Variants in FAR2 observed in about 807,000 individuals in gnomAD.
The protein encoded by FAR2 is epididymis secretory protein Li 81.
A neutral mutation model predicts 56.0 loss-of-function variants in FAR2; 19 were observed. The observed-to-expected ratio is 0.34, with a 90% CI of 0.24 to 0.50. The LOEUF (loss-of-function observed/expected upper bound fraction) is 0.50. Among genes scored for constraint, FAR2 ranks in the 20% least tolerant of loss-of-function variants. FAR2 has a pLI of 0.98. For synonymous variants in FAR2, 219 were observed against 218.8 expected, an observed-to-expected ratio of 1.00 and a Z score of -0.01; for missense variants, 508 against 642.2, an observed-to-expected ratio of 0.79 and a Z score of 2.26.
chr12:29,206,781 G>GGA (rs1198626679), intron 1 of FAR2, among the ~76,000 whole-genome samples: 1 of 152,174 alleles, frequency 6.6e-6, no homozygotes, highest in African/African-American at 2.4e-5. Context: ...TGGGCTTGGT[G>GGA]GAGAGAGACA....
chr12:29,222,303 C>A (rs1210790211), intron 1 of FAR2, among the ~76,000 whole-genome samples: 1 of 152,180 alleles, frequency 6.6e-6, no homozygotes, highest in Non-Finnish European at 1.5e-5. Context: ...AGTGATATTT[C>A]ATTGTTTTGA....
chr12:29,205,576 C>T (rs1947469745), intron 1 of FAR2, among the ~76,000 whole-genome samples: 1 of 152,140 alleles, frequency 6.6e-6, no homozygotes, highest in African/African-American at 2.4e-5. Context: ...CCAGAGGCTA[C>T]AGAACAGGTT....
chr12:29,320,046 A>T (rs1949526235), intron 9 of FAR2, among the ~76,000 whole-genome samples: 1 of 152,136 alleles, frequency 6.6e-6, no homozygotes, highest in Admixed American at 6.5e-5. Flanking sequence ...TACAAAAATA[A>T]AATTTAAAAA....
At chr12:29,265,921 A>G (rs1488192742) in intron 1 of FAR2, among the ~76,000 whole-genome samples, 1 of 152,188 alleles carries the variant, frequency 6.6e-6, no homozygotes, top group Non-Finnish European at 1.5e-5. Context: ...AAGGTGCTCA[A>G]CATCACTGAT....
At chr12:29,316,154 A>C (rs1478112483) in intron 8 of FAR2, among the ~76,000 whole-genome samples, 1 of 152,192 alleles carries the variant, frequency 6.6e-6, no homozygotes, top group African/African-American at 2.4e-5. Context: ...ATGCTTTGAA[A>C]AAAAACCTAC....
intron 1 of FAR2, among the ~76,000 whole-genome samples, chr12:29,162,881 A>T (rs1280278694): frequency 2.0e-5 from 3 of 152,260 alleles, no homozygotes; most frequent in African/African-American, 7.2e-5. Flanking sequence ...TGACGCATTC[A>T]TTCAACGAGT....
chr12:29,183,470 C>A (rs1950010974), intron 1 of FAR2, among the ~76,000 whole-genome samples: 1 of 152,178 alleles, frequency 6.6e-6, no homozygotes, highest in Admixed American at 6.5e-5. Flanking sequence ...ATCTTCCTTC[C>A]AAACTAGGTT....
At chr12:29,207,479 G>T (rs552431178) in intron 1 of FAR2, among the ~76,000 whole-genome samples, 45 of 152,182 alleles carry the variant, frequency 3.0e-4, no homozygotes, top group African/African-American at 1.1e-3. Flanking sequence ...GGCCACCCTG[G>T]GTTCTCATCC....
rs539616767 is a variant in FAR2, at chr12:29,268,633, G to A, written c.-38-1779G>A. 4.6e-5 allele frequency among the ~76,000 whole-genome samples: 7 copies of A among 152,206 alleles called. No homozygotes were observed. The East Asian group carries it at 1.2e-3, about 25-fold the overall frequency. On this transcript the variant is annotated intron_variant, in intron 1 of 11. Transcript: ENST00000536681. ...TCTACCCCCTGAGCAGCATATAAGG[G>A]GGAAAAAGGTGGCACTTGACCTAGA... is the stretch of plus-strand genomic sequence containing the variant.
At chr12:29,316,005 A>G (rs1949443558) in intron 8 of FAR2, among the ~76,000 whole-genome samples, 1 of 152,156 alleles carries the variant, frequency 6.6e-6, no homozygotes, top group African/African-American at 2.4e-5. Context: ...ATGCCTATGA[A>G]CCAGGTGATT....
chr12:29,265,200 A>G (rs1315922265), intron 1 of FAR2, among the ~76,000 whole-genome samples: 1 of 152,206 alleles, frequency 6.6e-6, no homozygotes, highest in Non-Finnish European at 1.5e-5. Context: ...TGGAACCACA[A>G]AAGACCCAGA....
chr12:29,332,681 A>G lies in FAR2; in HGVS notation c.1339A>G (p.Lys447Glu). The G allele has an allele frequency of 6.2e-7, 1 of 1,613,764 alleles. No individual in the cohort carries two copies. Among genetic ancestry groups the G allele is most frequent in the Non-Finnish European group, 8.5e-7 (1 of 1,179,790 alleles). The change falls in exon 11 of 12, where the codon AAA (lysine) becomes GAA (glutamate). Residue 447 changes from lysine to glutamate, a missense_variant. Physicochemically the swap from Lys to Glu is moderately conservative, Grantham distance 56 (BLOSUM62 1). Coordinates refer to ENST00000536681, the MANE Select transcript of FAR2 (RefSeq NM_001271783.2). ...YVLGVKKYLL[K>E]EDMAGIPKAK... ...TTTGGGAGTTAAAAAATACTTATTG[A>G]AAGAGGATATGGCTGGGATCCCAAA... is the stretch of plus-strand genomic sequence containing the variant.
chr12:29,234,349 C>G (rs1947903342), intron 1 of FAR2, among the ~76,000 whole-genome samples: 1 of 152,148 alleles, frequency 6.6e-6, no homozygotes, highest in Non-Finnish European at 1.5e-5. Flanking sequence ...CACCTGTGTA[C>G]TTATCTTAAG....
At chr12:29,152,866 C>A (rs10843330) in intron 1 of FAR2, among the ~76,000 whole-genome samples, 19,043 of 152,014 alleles carry the variant, frequency 0.13, 1,296 homozygotes, top group African/African-American at 0.17. Flanking sequence ...GAGGAAAGGC[C>A]CTTAGAGATA....
chr12:29,322,593 C>A (rs1011194894), intron 10 of FAR2, among the ~76,000 whole-genome samples: 2 of 152,196 alleles, frequency 1.3e-5, no homozygotes, highest in African/African-American at 4.8e-5. Flanking sequence ...GTCCTAAAAT[C>A]TTTGCATATT....
intron 1 of FAR2, among the ~76,000 whole-genome samples, chr12:29,232,952 A>C (rs975123868): frequency 2.0e-5 from 3 of 151,812 alleles, no homozygotes; most frequent in East Asian, 3.9e-4. Flanking sequence ...TCAATATCTC[A>C]TTCTCAAGCA....
chr12:29,159,147 C>T (rs149262986), intron 1 of FAR2, among the ~76,000 whole-genome samples: 90 of 152,258 alleles, frequency 5.9e-4, no homozygotes, highest in African/African-American at 2.1e-3. Context: ...TGTAAATATA[C>T]AATGCTCATA....
rs538809743 is a variant in FAR2, at chr12:29,218,134, A to T, written c.-38-52278A>T. Among the ~76,000 whole-genome samples, 7 of 152,164 alleles carry T rather than the reference A, an allele frequency of 4.6e-5. No individual in the cohort carries two copies. In the South Asian group the frequency reaches 1.5e-3, roughly 32 times the overall value. Reference sequence around the variant, plus strand: ...CAGTTTGGGAGGCCAAGGCGGGAGGATCACAAGGTCAGGAGATCCAGACCA... The same window carrying T: ...CAGTTTGGGAGGCCAAGGCGGGAGGTTCACAAGGTCAGGAGATCCAGACCA... On this transcript the variant is annotated intron_variant, in intron 1 of 11. Coordinates refer to ENST00000536681, the MANE Select transcript of FAR2 (RefSeq NM_001271783.2).
At chr12:29,160,435 G>A (rs1949772073) in intron 1 of FAR2, among the ~76,000 whole-genome samples, 1 of 152,218 alleles carries the variant, frequency 6.6e-6, no homozygotes, top group South Asian at 2.1e-4. Flanking sequence ...TTCCGGTGCA[G>A]AAGAACCCTT....
Sources: allele counts gnomAD v4.1 joint callset (sites outside exome capture counted in the v4.1 genomes callset), GRCh38; gene constraint gnomAD v4.1.1; transcripts MANE v1.5; gene names NCBI Gene and HGNC (gene_info 2026-07-23, HGNC 2026-07-21).